The following FNDC3B variants were observed in gnomAD, a reference collection of about 807,000 sequenced individuals.
The protein encoded by FNDC3B is fibronectin type III domain-containing protein 3B.
In FNDC3B, 12 loss-of-function variants were observed where a neutral mutation model predicts 151.5. The ratio of observed to expected loss-of-function variants is 0.08; its 90% CI spans 0.05 to 0.13. FNDC3B has a LOEUF of 0.13. Among genes scored for constraint, FNDC3B ranks in the 10% least tolerant of loss-of-function variants. The probability of loss-of-function intolerance (pLI) is 1.00; values close to 1 mark genes in which losing one functional copy is unlikely to be tolerated. For missense variants in FNDC3B, 1,214 were observed against 1,505.3 expected (o/e 0.81, Z 3.20); for synonymous variants, 528 against 549.0 (o/e 0.96, Z 0.54).
intron 21 of FNDC3B, among the ~76,000 whole-genome samples, chr3:172,349,682 G>A (rs950787297): frequency 6.6e-6 from 1 of 151,916 alleles, no homozygotes; most frequent in Non-Finnish European, 1.5e-5. Context: ...TTGAGATGGA[G>A]TCACGCTCTG....
At chr3:172,258,182 C>G (rs944532890) in intron 6 of FNDC3B, among the ~76,000 whole-genome samples, 2 of 152,142 alleles carry the variant, frequency 1.3e-5, no homozygotes, top group Admixed American at 6.5e-5. Flanking sequence ...GTACAGCATA[C>G]TCTTGGCATT....
chr3:172,154,416 A>G (rs1157527755), intron 3 of FNDC3B, among the ~76,000 whole-genome samples: 2 of 152,118 alleles, frequency 1.3e-5, no homozygotes, highest in African/African-American at 4.8e-5. Flanking sequence ...GGGTTTCACC[A>G]TGTTGGCCAG....
At chr3:172,299,112 A>G (rs760069855) in intron 9 of FNDC3B, among the ~76,000 whole-genome samples, 1 of 152,256 alleles carries the variant, frequency 6.6e-6, no homozygotes, top group Non-Finnish European at 1.5e-5. Flanking sequence ...CACCATGGGC[A>G]TATCATTGTT....
chr3:172,351,561 G>C (rs1733853598), intron 21 of FNDC3B, among the ~76,000 whole-genome samples: 1 of 152,130 alleles, frequency 6.6e-6, no homozygotes. Context: ...CCCACTGAAG[G>C]AATTTGAACC....
chr3:172,162,434 C>A (rs1012025379), intron 3 of FNDC3B, among the ~76,000 whole-genome samples: 1 of 151,912 alleles, frequency 6.6e-6, no homozygotes, highest in Non-Finnish European at 1.5e-5. Flanking sequence ...CTATTAATAC[C>A]GTGGCTATGA....
chr3:172,054,930 A>G (rs1716841298), intron 1 of FNDC3B, among the ~76,000 whole-genome samples: 1 of 152,186 alleles, frequency 6.6e-6, no homozygotes, highest in Non-Finnish European at 1.5e-5. Flanking sequence ...ATACCTCAAG[A>G]GGTAAAGAGA....
rs1733942770 is a variant in FNDC3B, at chr3:172,353,221, C to T, written c.2795+138C>T. 7 of 837,838 alleles carry T rather than the reference C, an allele frequency of 8.4e-6. No individual in the cohort carries two copies. The South Asian group carries it at 1.2e-4, about 15-fold the overall frequency. 51.9% of individuals were successfully genotyped at this position (837,838 alleles called of 1,614,324 possible). On this transcript the variant is annotated intron_variant, in intron 22 of 25. Coordinates refer to ENST00000415807, the MANE Select transcript of FNDC3B (RefSeq NM_022763.4). ...CCAGATGTCCAGAGTATTGTCTCAC[C>T]TTGATCCCTCAGGCCAGAAGACCTG...
At chr3:172,060,422 G>C (rs1019950658) in intron 1 of FNDC3B, among the ~76,000 whole-genome samples, 1 of 152,012 alleles carries the variant, frequency 6.6e-6, no homozygotes, top group South Asian at 2.1e-4. Flanking sequence ...TAGGCCATGA[G>C]ACTGATTACT....
chr3:172,308,965 T>C (rs545258604), intron 10 of FNDC3B, among the ~76,000 whole-genome samples: 112 of 152,312 alleles, frequency 7.4e-4, no homozygotes, highest in Middle Eastern at 3.4e-3. Flanking sequence ...AAACCTAAAG[T>C]TGGGAATCAC....
intron 23 of FNDC3B, among the ~76,000 whole-genome samples, chr3:172,373,867 T>A (rs1734996344): frequency 6.6e-6 from 1 of 152,228 alleles, no homozygotes. Flanking sequence ...AATTATATTA[T>A]TCTTGTGTTG....
chr3:172,071,812 G>A (rs1042469743), intron 1 of FNDC3B, among the ~76,000 whole-genome samples: 2 of 152,160 alleles, frequency 1.3e-5, no homozygotes, highest in East Asian at 3.9e-4. Flanking sequence ...AATTAACATA[G>A]CGAGCACTTC....
intron 5 of FNDC3B, among the ~76,000 whole-genome samples, chr3:172,250,210 G>A (rs1010135320): frequency 6.6e-6 from 1 of 152,026 alleles, no homozygotes; most frequent in African/African-American, 2.4e-5. Flanking sequence ...TTTCTTTTGA[G>A]CCACTTTAAA....
intron 1 of FNDC3B, among the ~76,000 whole-genome samples, chr3:172,090,159 C>T (rs1718740999): frequency 1.3e-5 from 2 of 152,180 alleles, no homozygotes; most frequent in Admixed American, 1.3e-4. Flanking sequence ...CTCTACAACT[C>T]GTCCAACTTC....
At chr3:172,176,531 C>A (rs925173402) in intron 3 of FNDC3B, among the ~76,000 whole-genome samples, 1 of 152,126 alleles carries the variant, frequency 6.6e-6, no homozygotes, top group African/African-American at 2.4e-5. Context: ...GCTACAACTG[C>A]AGATTTCATG....
chr3:172,331,605 C>T (rs1340880220), intron 13 of FNDC3B, among the ~76,000 whole-genome samples: 1 of 152,058 alleles, frequency 6.6e-6, no homozygotes, highest in African/African-American at 2.4e-5. Flanking sequence ...CATGATCTGC[C>T]CTCCTCAGCC....
intron 6 of FNDC3B, among the ~76,000 whole-genome samples, chr3:172,263,734 A>C (rs977395951): frequency 6.6e-6 from 1 of 151,888 alleles, no homozygotes; most frequent in East Asian, 1.9e-4. Flanking sequence ...GAAGAATTTC[A>C]TGTCTGGGAA....
chr3:172,165,507 T>C (rs1576924643), intron 3 of FNDC3B, among the ~76,000 whole-genome samples: 1 of 152,218 alleles, frequency 6.6e-6, no homozygotes, highest in East Asian at 1.9e-4. Context: ...TGATTGAATA[T>C]GTTTTATACC....
At chr3:172,110,227 TCACAA>T (rs1559970117) in intron 1 of FNDC3B, among the ~76,000 whole-genome samples, 1 of 152,178 alleles carries the variant, frequency 6.6e-6, no homozygotes, top group African/African-American at 2.4e-5. Context: ...TTGTACCAGA[TCACAA>T]CTGTCTTCTC....
chr3:172,331,933 C>G (rs556526941), intron 13 of FNDC3B, among the ~76,000 whole-genome samples: 14 of 152,266 alleles, frequency 9.2e-5, no homozygotes, highest in Non-Finnish European at 1.8e-4. Context: ...TCTCGAGCAC[C>G]TGACATATGC....
Sources: gnomAD v4.1 joint callset for allele counts (sites outside exome capture counted in the v4.1 genomes callset) on GRCh38, gnomAD v4.1.1 for gene constraint, MANE v1.5 for transcripts, NCBI Gene and HGNC (gene_info 2026-07-23, HGNC 2026-07-21) for gene names.